TRPM8: variants seen among roughly 807,000 people sequenced by gnomAD.
The protein encoded by TRPM8 is TRPM8 cationic channel.
Under a neutral mutation model 133.7 loss-of-function variants are expected in TRPM8, and 110 were observed. That is an observed-to-expected ratio of 0.82 (90% CI 0.70 to 0.96). TRPM8 has a LOEUF of 0.96. Among genes scored for constraint, TRPM8 ranks in the 40% least tolerant of loss-of-function variants. The probability of loss-of-function intolerance (pLI) is 0.00; values close to 1 mark genes in which losing one functional copy is unlikely to be tolerated. For synonymous variants in TRPM8, 535 were observed against 532.3 expected, an observed-to-expected ratio of 1.01 and a Z score of -0.07; for missense variants, 1,291 against 1,379.5, an observed-to-expected ratio of 0.94 and a Z score of 1.02.
chr2:233,969,226 C>A (rs1034475041), intron 15 of TRPM8, among the ~76,000 whole-genome samples: 13 of 152,050 alleles, frequency 8.5e-5, no homozygotes, highest in Admixed American at 5.2e-4. Context: ...CACCTGTAAT[C>A]CCAGCACTTT....
rs532953923 is a variant in TRPM8 at position 234,011,867 on chromosome 2, A to G, written c.3265-2695A>G. 3.8e-4 allele frequency among the ~76,000 whole-genome samples: 55 copies of G among 143,192 alleles called. 1 individual carries two copies. The South Asian group carries it at 0.011, about 29-fold the overall frequency. The allele number at this position is 143,192 out of a possible 152,430, so 93.9% of individuals were successfully genotyped here. A position where few individuals can be genotyped will look rare whatever the true frequency, so the allele number is the denominator to read the frequency against. ...GGGAGGCAGAGCTTGCAGTGAACCG[A>G]GATCGCGCCACTGCACTCCAGCCTG... On this transcript the variant is annotated intron_variant, in intron 24 of 25. Transcript: ENST00000324695.
At chr2:233,991,126 A>T (rs1193689908) in intron 21 of TRPM8, among the ~76,000 whole-genome samples, 1 of 152,018 alleles carries the variant, frequency 6.6e-6, no homozygotes, top group East Asian at 1.9e-4. Flanking sequence ...TCTAGGGAGG[A>T]ATCAGCAGCC....
At chr2:233,957,992 A>G (rs1691333710) in intron 11 of TRPM8, among the ~76,000 whole-genome samples, 1 of 152,260 alleles carries the variant, frequency 6.6e-6, no homozygotes, top group African/African-American at 2.4e-5. Context: ...ACATTGGCAC[A>G]TATGAAGCAT....
At position 233,926,555 on chromosome 2, in the gene TRPM8, C is replaced by G. The variant is rs765194551; in HGVS notation, c.18C>G (p.Ala6=). 4 of 1,613,928 alleles carry G rather than the reference C, an allele frequency of 2.5e-6. No individual in the cohort carries two copies. The South Asian group carries it at 4.4e-5, about 18-fold the overall frequency. Residue 6 remains alanine (A), a synonymous_variant, in exon 2 of 26, where the codon GCC becomes GCG. Coordinates refer to ENST00000324695, the MANE Select transcript of TRPM8 (RefSeq NM_024080.5). ...CAGAAAAGATGTCCTTTCGGGCAGC[C>G]AGGCTCAGCATGAGGAACAGAAGGA... MSFRA[A]RLSMRNRRND...
chr2:233,973,251 C>T (rs1288890811), intron 17 of TRPM8, among the ~76,000 whole-genome samples: 1 of 152,222 alleles, frequency 6.6e-6, no homozygotes. Flanking sequence ...AGATGAAGCA[C>T]CATAGACCTC....
intron 13 of TRPM8, 60 bp downstream of exon 13, chr2:233,963,437 G>T (rs1046435234): frequency 7.5e-6 from 8 of 1,061,304 alleles, no homozygotes; most frequent in Non-Finnish European, 1.1e-5. Context: ...TAACAGTTCT[G>T]ATCCTCTCAA....
chr2:233,948,250 C>T lies in TRPM8; in HGVS notation c.942+1095C>T, dbSNP rs536014835. Among the ~76,000 whole-genome samples, 57 of 152,142 alleles carry T rather than the reference C, an allele frequency of 3.7e-4. No homozygotes were observed. The South Asian group carries it at 5.2e-3, about 14-fold the overall frequency. ...ATTCAACAGATATTTATTGAGTACC[C>T]GCTATGAAATTTACAATTGAGATCA... On this transcript the variant is annotated intron_variant, in intron 8 of 25. Transcript: ENST00000324695.
chr2:233,977,146 C>T (rs571931475), intron 17 of TRPM8, among the ~76,000 whole-genome samples: 1 of 152,240 alleles, frequency 6.6e-6, no homozygotes, highest in African/African-American at 2.4e-5. Flanking sequence ...TGAAACGAGG[C>T]AGTCAATAAG....
chr2:234,012,271 C>T (rs1692858689), intron 24 of TRPM8, among the ~76,000 whole-genome samples: 1 of 151,906 alleles, frequency 6.6e-6, no homozygotes, highest in South Asian at 2.1e-4. Flanking sequence ...CTTCAGCCTC[C>T]TGAGTAGCTG....
chr2:233,925,414 G>T (rs976377678), intron 1 of TRPM8, among the ~76,000 whole-genome samples: 1 of 152,162 alleles, frequency 6.6e-6, no homozygotes, highest in Non-Finnish European at 1.5e-5. Flanking sequence ...CTCAGCCTGG[G>T]CATTGTGGGG....
chr2:233,924,193 A>G (rs1691466417), intron 1 of TRPM8, among the ~76,000 whole-genome samples: 1 of 152,154 alleles, frequency 6.6e-6, no homozygotes, highest in Non-Finnish European at 1.5e-5. Context: ...CAGGAGCGGA[A>G]GGACTCATGC....
chr2:233,980,419 G>C, intron 18 of TRPM8, 140 bp downstream of exon 18: 1 of 561,874 alleles, frequency 1.8e-6, no homozygotes, highest in East Asian at 3.3e-5. Flanking sequence ...CTGCTTTATA[G>C]AGATACACCT....
At chr2:233,932,676 A>G (rs926177739) in intron 3 of TRPM8, among the ~76,000 whole-genome samples, 4 of 151,968 alleles carry the variant, frequency 2.6e-5, no homozygotes, top group African/African-American at 9.7e-5. Context: ...GGGCAGCCGC[A>G]GCCCTCAGCA....
intron 11 of TRPM8, among the ~76,000 whole-genome samples, chr2:233,956,324 AGT>A (rs1212630022): frequency 1.3e-5 from 2 of 152,148 alleles, no homozygotes; most frequent in Non-Finnish European, 2.9e-5. Context: ...TGCAATAAAA[AGT>A]GTTTTTTTTC....
intron 11 of TRPM8, among the ~76,000 whole-genome samples, chr2:233,955,624 C>T (rs1691275419): frequency 6.6e-6 from 1 of 152,090 alleles, no homozygotes; most frequent in Non-Finnish European, 1.5e-5. Context: ...AACTATAAAT[C>T]CAGACGGCAG....
At chr2:233,927,109 G>GATCCTGTCCAACACTCTCAT (rs1210126219) in intron 2 of TRPM8, among the ~76,000 whole-genome samples, 4 of 152,216 alleles carry the variant, frequency 2.6e-5, no homozygotes, top group East Asian at 1.9e-4. Flanking sequence ...CCCACTCTCA[G>GATCCTGTCCAACACTCTCAT]ATCCTGTCCA....
chr2:234,018,708 G>A lies in TRPM8; in HGVS notation c.*1452G>A, dbSNP rs1259427068. On this transcript the variant is annotated 3_prime_UTR_variant, in exon 26 of 26. Coordinates refer to ENST00000324695, the MANE Select transcript of TRPM8 (RefSeq NM_024080.5). ...AAAAATAAAAAAATTAGCTGGGTGT[G>A]GTGGTGCACTCCTGTAATCCCAGCT... The A allele has an allele frequency of 6.6e-6, 1 of 151,892 alleles. No homozygotes were observed. The highest frequency in any genetic ancestry group is 2.4e-5 in the African/African-American group (1 of 41,348). 9.4% of individuals were successfully genotyped at this position (151,892 alleles called of 1,614,324 possible). A position where few individuals can be genotyped will look rare whatever the true frequency, so the allele number is the denominator to read the frequency against.
chr2:234,007,000 T>C, intron 23 of TRPM8, 48 bp downstream of exon 23: 1 of 1,444,198 alleles, frequency 6.9e-7, no homozygotes, highest in South Asian at 1.2e-5. Context: ...TCTGTAGACA[T>C]AAGCCCATAG....
At chr2:233,964,584 GA>G (rs769641927) in intron 13 of TRPM8, 43 bp from the exon 14 acceptor site, 526 of 1,135,978 alleles carry the variant, frequency 4.6e-4, no homozygotes, top group Non-Finnish European at 5.5e-4. Flanking sequence ...AAAAGAAAAG[GA>G]AAAAAAAGAA....
Sources: gnomAD v4.1 joint callset for allele counts (sites outside exome capture counted in the v4.1 genomes callset) on GRCh38, gnomAD v4.1.1 for gene constraint, MANE v1.5 for transcripts, NCBI Gene and HGNC (gene_info 2026-07-23, HGNC 2026-07-21) for gene names.